ZDHHC14: variants seen among roughly 807,000 people sequenced by gnomAD.
ZDHHC14 encodes the protein zDHHC palmitoyltransferase 14.
In ZDHHC14, 16 loss-of-function variants were observed where a neutral mutation model predicts 47.7. The observed-to-expected ratio is 0.34, with a 90% CI of 0.23 to 0.51. The LOEUF is 0.51. ZDHHC14 is among the 20% of genes least tolerant of loss of function. ZDHHC14 has a pLI of 0.97. For missense variants in ZDHHC14, 515 were observed against 662.5 expected (o/e 0.78, Z 2.44); for synonymous variants, 293 against 278.9 (o/e 1.05, Z -0.50).
chr6:157,580,728 GTGTGTGTT>G (rs1783486227), intron 2 of ZDHHC14, among the ~76,000 whole-genome samples: 1 of 151,392 alleles, frequency 6.6e-6, no homozygotes, highest in African/African-American at 2.4e-5. Context: ...GTGTGTGTGT[GTGTGTGTT>G]TTTTTCTTTG....
chr6:157,647,054 A>G (rs1238527295), intron 6 of ZDHHC14, among the ~76,000 whole-genome samples: 2 of 152,164 alleles, frequency 1.3e-5, no homozygotes, highest in African/African-American at 4.8e-5. Context: ...TGTCCCTGAG[A>G]ATGTTATTCT....
At chr6:157,593,540 C>T (rs1784001618) in intron 3 of ZDHHC14, among the ~76,000 whole-genome samples, 2 of 152,144 alleles carry the variant, frequency 1.3e-5, no homozygotes, top group Non-Finnish European at 2.9e-5. Context: ...GCGTTTAATC[C>T]CCACTCCTTC....
rs923669784 is a variant in ZDHHC14, at chr6:157,427,059, C to T, written c.245+44793C>T. Among the ~76,000 whole-genome samples, 6 of 151,946 alleles carry T rather than the reference C, an allele frequency of 3.9e-5. No individual in the cohort carries two copies. Among genetic ancestry groups the T allele is most frequent in the Admixed American group, 1.3e-4 (2 of 15,280 alleles). ...GAGGAAAAGGAGGAGAGGCACGGTGCGAGCTGGGGTGGCAGGGGAGCAAGG... is the reference window on the plus strand; with the variant it reads ...GAGGAAAAGGAGGAGAGGCACGGTGTGAGCTGGGGTGGCAGGGGAGCAAGG... On this transcript the variant is annotated intron_variant, in intron 1 of 8. Coordinates refer to ENST00000359775, the MANE Select transcript of ZDHHC14 (RefSeq NM_024630.3). This position sits in a 1 kb window ranked among gnomAD's most constrained non-coding sequence, Gnocchi z 4.4.
chr6:157,570,772 T>TATATATATACACACACACACAC (rs1371741078), intron 2 of ZDHHC14, among the ~76,000 whole-genome samples: 4 of 140,940 alleles, frequency 2.8e-5, no homozygotes, highest in Non-Finnish European at 4.7e-5. Flanking sequence ...CACACACACA[T>TATATATATACACACACACACAC]ATATATATAC....
intron 1 of ZDHHC14, among the ~76,000 whole-genome samples, chr6:157,434,218 T>TATATATATA (rs1778395465): frequency 3.4e-5 from 5 of 146,570 alleles, no homozygotes; most frequent in African/African-American, 1.3e-4. Context: ...GCTTATAATT[T>TATATATATA]TATATATATA....
In ZDHHC14 at chr6:157,628,495, G is replaced by A; in HGVS notation, c.703+9G>A. Reference sequence around the variant, plus strand: ...CACCCACGTCATTCTTCGTAAGTATGCTGGCGAAATCAGATTACGTATGTA... The same window carrying A: ...CACCCACGTCATTCTTCGTAAGTATACTGGCGAAATCAGATTACGTATGTA... On this transcript the variant is annotated intron_variant, in intron 4 of 8. Transcript: ENST00000359775. 6.2e-7 allele frequency: 1 copy of A among 1,609,770 alleles called. No homozygotes were observed. Among genetic ancestry groups the A allele is most frequent in the Non-Finnish European group, 8.5e-7 (1 of 1,179,142 alleles).
At chr6:157,532,698 C>T (rs1427724077) in intron 1 of ZDHHC14, among the ~76,000 whole-genome samples, 2 of 152,212 alleles carry the variant, frequency 1.3e-5, no homozygotes, top group Non-Finnish European at 2.9e-5. Context: ...AGGAGATAAC[C>T]TGGGTTTTGC....
intron 3 of ZDHHC14, among the ~76,000 whole-genome samples, chr6:157,618,524 G>A (rs1266231872): frequency 2.6e-5 from 4 of 152,124 alleles, no homozygotes; most frequent in African/African-American, 9.7e-5. Flanking sequence ...GTTTCACCAT[G>A]TTGGCCAGGG....
chr6:157,422,842 A>G (rs980664704), intron 1 of ZDHHC14, among the ~76,000 whole-genome samples: 10 of 152,158 alleles, frequency 6.6e-5, no homozygotes, highest in African/African-American at 2.4e-4. Context: ...CTTCTTTGCA[A>G]AACAGAGTGG....
chr6:157,549,437 A>T (rs1328882066), intron 2 of ZDHHC14, among the ~76,000 whole-genome samples: 1 of 152,192 alleles, frequency 6.6e-6, no homozygotes, highest in Non-Finnish European at 1.5e-5. Context: ...GTTTGAGGCA[A>T]GGGAGAGTGG....
intron 1 of ZDHHC14, among the ~76,000 whole-genome samples, chr6:157,384,304 T>G (rs1479921148): frequency 6.6e-6 from 1 of 152,226 alleles, no homozygotes; most frequent in African/African-American, 2.4e-5. Context: ...TCTTTTATTT[T>G]CTTCATTCAA....
intron 3 of ZDHHC14, among the ~76,000 whole-genome samples, chr6:157,601,766 C>T (rs919610484): frequency 1.3e-5 from 2 of 151,920 alleles, no homozygotes; most frequent in African/African-American, 4.9e-5. Context: ...GGCCCATGCA[C>T]ATGCTTTCTG....
chr6:157,447,354 T>C (rs151193442), intron 1 of ZDHHC14, among the ~76,000 whole-genome samples: 92 of 152,272 alleles, frequency 6.0e-4, no homozygotes, highest in African/African-American at 2.1e-3. Context: ...CTATGGGCCA[T>C]GCTCTGGGCA....
intron 1 of ZDHHC14, among the ~76,000 whole-genome samples, chr6:157,433,867 C>T (rs1441364705): frequency 6.6e-6 from 1 of 152,170 alleles, no homozygotes; most frequent in Non-Finnish European, 1.5e-5. Flanking sequence ...GGCTGGCTCC[C>T]ATCTTTCCAG....
Position 157,470,409 on chromosome 6 carries a change from A to G in ZDHHC14, c.246-72176A>G, listed in dbSNP as rs143709628. Among the ~76,000 whole-genome samples the G allele has an allele frequency of 9.6e-4, 146 of 152,364 alleles. 1 individual carries two copies. In the East Asian group the frequency reaches 0.02, roughly 21 times the overall value. Reference sequence around the variant, plus strand: ...TGAGATTAAGTAAACTGACCTAATGACTTCATGAAATGTTATGCAGCTATA... The same window carrying G: ...TGAGATTAAGTAAACTGACCTAATGGCTTCATGAAATGTTATGCAGCTATA... On this transcript the variant is annotated intron_variant, in intron 1 of 8. Transcript: ENST00000359775.
At chr6:157,390,267 A>T (rs1232761364) in intron 1 of ZDHHC14, among the ~76,000 whole-genome samples, 1 of 151,426 alleles carries the variant, frequency 6.6e-6, no homozygotes, top group African/African-American at 2.4e-5. Context: ...CTTAGTTGTT[A>T]TTTTTTTTAG....
intron 1 of ZDHHC14, among the ~76,000 whole-genome samples, chr6:157,430,530 C>T (rs1778318349): frequency 6.6e-6 from 1 of 152,176 alleles, no homozygotes; most frequent in East Asian, 1.9e-4. Context: ...TGAAAGCCAA[C>T]AATGTCAGGG....
At chr6:157,543,226 A>C (rs1268992007) in intron 2 of ZDHHC14, among the ~76,000 whole-genome samples, 2 of 152,166 alleles carry the variant, frequency 1.3e-5, no homozygotes, top group Non-Finnish European at 2.9e-5. Flanking sequence ...TGTATCTGTG[A>C]TATGTATTGA....
chr6:157,435,112 C>T (rs1175371134), intron 1 of ZDHHC14, among the ~76,000 whole-genome samples: 1 of 152,216 alleles, frequency 6.6e-6, no homozygotes, highest in Non-Finnish European at 1.5e-5. Flanking sequence ...AGCAGTTCCT[C>T]GGGGGTTCTT....
Sources: allele counts gnomAD v4.1 joint callset (sites outside exome capture counted in the v4.1 genomes callset), GRCh38; gene constraint gnomAD v4.1.1; non-coding constraint Gnocchi (gnomAD v3.1); transcripts MANE v1.5; gene names NCBI Gene and HGNC (gene_info 2026-07-23, HGNC 2026-07-21).